The following THAP4 variants were observed in gnomAD, a reference collection of about 807,000 sequenced individuals.
THAP4 encodes peroxynitrite isomerase THAP4.
THAP4 carries 18 observed loss-of-function variants against 48.1 expected under a neutral mutation model. That is an observed-to-expected ratio of 0.37 (90% confidence interval 0.26 to 0.56). THAP4 has a LOEUF of 0.56. Among genes scored for constraint, THAP4 ranks in the 20% least tolerant of loss-of-function variants. THAP4 has a pLI of 0.78. For synonymous variants in THAP4, 345 were observed against 324.9 expected (o/e 1.06, Z -0.66); for missense variants, 656 against 774.9 (o/e 0.85, Z 1.82).
chr2:241,635,783 A>G (rs111908285), intron 1 of THAP4, among the ~76,000 whole-genome samples: 1 of 152,142 alleles, frequency 6.6e-6, no homozygotes, highest in South Asian at 2.1e-4. Flanking sequence ...AAAAGAGAAA[A>G]AAAGAAAAAA....
chr2:241,597,332 C>G (rs2067062540), intron 5 of THAP4, among the ~76,000 whole-genome samples: 1 of 152,146 alleles, frequency 6.6e-6, no homozygotes, highest in Non-Finnish European at 1.5e-5. Context: ...CAGGGTTTCA[C>G]CATGTTGGCC....
At chr2:241,637,333 C>A, upstream of THAP4, 1 of 1,269,016 alleles carries the variant, frequency 7.9e-7, no homozygotes, top group Non-Finnish European at 1.0e-6. Context: ...GTCCGTACCG[C>A]GACATGGGCG....
intron 2 of THAP4, among the ~76,000 whole-genome samples, chr2:241,621,941 CAA>C (rs542392484): frequency 7.1e-6 from 1 of 140,112 alleles, no homozygotes; most frequent in East Asian, 2.1e-4. Flanking sequence ...ACCACGCAAG[CAA>C]AAAAAAAAAC....
At chr2:241,592,686 G>A (rs2067000060) in intron 5 of THAP4, among the ~76,000 whole-genome samples, 3 of 152,322 alleles carry the variant, frequency 2.0e-5, no homozygotes, top group African/African-American at 4.8e-5. Context: ...CATAAGCCTC[G>A]GTCTCTTCGA....
At chr2:241,608,208 G>C (rs1196816559) in intron 2 of THAP4, among the ~76,000 whole-genome samples, 1 of 152,202 alleles carries the variant, frequency 6.6e-6, no homozygotes, top group Non-Finnish European at 1.5e-5. Context: ...CCGCACATGT[G>C]GCCTGGCCCA....
At chr2:241,627,692 A>C (rs1205175523) in intron 2 of THAP4, among the ~76,000 whole-genome samples, 2 of 152,140 alleles carry the variant, frequency 1.3e-5, no homozygotes. Flanking sequence ...ACAAATCCAC[A>C]CGGACAGCAA....
Position 241,612,802 on chromosome 2 carries a change from T to C in THAP4, c.1241-6329A>G, listed in dbSNP as rs767853805. The stretch of plus-strand genomic sequence containing the variant: ...GCTAGAGTCACACGTAGAAGGCGCA[T>C]GAGGAGGGAAGGTGAGTGGCAAGGA... On this transcript the variant is annotated intron_variant, in intron 2 of 5. Transcript: ENST00000407315. The surrounding 1 kb of genome is among the most constrained non-coding windows in gnomAD (Gnocchi z 4.1). Among the ~76,000 whole-genome samples the C allele has an allele frequency of 3.9e-5, 6 of 152,134 alleles. No individual in the cohort carries two copies. The highest frequency in any genetic ancestry group is 1.9e-4 in the East Asian group (1 of 5,174).
chr2:241,595,234 C>T (rs1300807565), intron 5 of THAP4, among the ~76,000 whole-genome samples: 4 of 152,206 alleles, frequency 2.6e-5, no homozygotes, highest in East Asian at 1.9e-4. Context: ...AGGCTGGTCT[C>T]GAATTCCTGA....
chr2:241,623,820 A>G (rs1450355623), intron 2 of THAP4, among the ~76,000 whole-genome samples: 1 of 152,202 alleles, frequency 6.6e-6, no homozygotes, highest in Non-Finnish European at 1.5e-5. Flanking sequence ...ACAGGCCTAT[A>G]TTGAATATAT....
intron 2 of THAP4, among the ~76,000 whole-genome samples, chr2:241,618,937 A>ACTTCAC (rs1409927850): frequency 6.6e-6 from 1 of 152,146 alleles, no homozygotes; most frequent in Non-Finnish European, 1.5e-5. Context: ...AGCGAAGCTG[A>ACTTCAC]CTTCACCAGG....
At chr2:241,617,297 G>T in intron 2 of THAP4, 1 of 776,892 alleles carries the variant, frequency 1.3e-6, no homozygotes, top group Non-Finnish European at 2.1e-6. Flanking sequence ...TTTCTTTTCT[G>T]ATTTCATTTT....
rs1050174477 is a variant in THAP4 at position 241,601,006 on chromosome 2, C to T, written c.1614+890G>A. 5.3e-5 allele frequency among the ~76,000 whole-genome samples: 8 copies of T among 151,868 alleles called. No homozygotes were observed. Among genetic ancestry groups the T allele is most frequent in the African/African-American group, 1.9e-4 (8 of 41,358 alleles). ...AAAAAAAGGACAATCTGGCCGGGCA[C>T]GGTTGTTCATACCTGTAATCCCAGC... On this transcript the variant is annotated intron_variant, in intron 5 of 5. Coordinates refer to ENST00000407315, the MANE Select transcript of THAP4 (RefSeq NM_015963.6). The surrounding 1 kb of genome is among the most constrained non-coding windows in gnomAD (Gnocchi z 4.0).
At chr2:241,636,918 G>C in intron 1 of THAP4, 23 bp downstream of exon 1, 2 of 1,217,960 alleles carry the variant, frequency 1.6e-6, no homozygotes, top group South Asian at 2.9e-5. Flanking sequence ...GGGCGGGGGC[G>C]TGGCGGCCCG....
At chr2:241,624,838 G>T (rs1326575532) in intron 2 of THAP4, among the ~76,000 whole-genome samples, 1 of 152,146 alleles carries the variant, frequency 6.6e-6, no homozygotes, top group Non-Finnish European at 1.5e-5. Flanking sequence ...ACATTCCAAG[G>T]GATTAGGAGC....
Position 241,586,598 on chromosome 2 carries a change from G to A in THAP4, c.1615-1873C>T, listed in dbSNP as rs139004651. On this transcript the variant is annotated intron_variant, in intron 5 of 5. Transcript: ENST00000407315. ...GACACCTCCCCCACCCTCACCCAGG[G>A]GATACCAATACTGGAGTTATTAGAA... 3.2e-3 allele frequency among the ~76,000 whole-genome samples: 492 copies of A among 152,154 alleles called. 2 individuals carry two copies. The highest frequency in any genetic ancestry group is 5.7e-3 in the Non-Finnish European group (385 of 68,012).
intron 2 of THAP4, among the ~76,000 whole-genome samples, chr2:241,608,323 A>C (rs1255958183): frequency 6.6e-6 from 1 of 152,192 alleles, no homozygotes; most frequent in Non-Finnish European, 1.5e-5. Context: ...CTGAAGCAGG[A>C]GAGTGGGAGA....
In THAP4 at chr2:241,595,073, C is replaced by T. The variant is rs562771682; in HGVS notation, c.1614+6823G>A. Among the ~76,000 whole-genome samples, 9 of 152,126 alleles carry T rather than the reference C, an allele frequency of 5.9e-5. No individual in the cohort carries two copies. In the East Asian group the frequency reaches 7.8e-4, roughly 13 times the overall value. ...CGGTCGCCAGGCTGGAGTGCAGTGG[C>T]GCCATCTCAGCTCATTGCAACCTCT... On this transcript the variant is annotated intron_variant, in intron 5 of 5. Transcript: ENST00000407315.
At position 241,633,926 on chromosome 2, in the gene THAP4, C is replaced by A. The variant is rs1294577733; in HGVS notation, c.231G>T (p.Lys77Asn). 2 of 1,614,004 alleles carry A rather than the reference C, an allele frequency of 1.2e-6. No homozygotes were observed. Among genetic ancestry groups the A allele is most frequent in the African/African-American group, 2.7e-5 (2 of 74,922 alleles). ...GGAAGATGGATGGCACGGCCGTGGG[C>A]TTCAGCAGGCGATGCTGGTCCTCCA... is the stretch of plus-strand genomic sequence containing the variant. ...KRLEDQHRLL[K>N]PTAVPSIFHL... The change falls in exon 2 of 6, where the codon AAG becomes AAT. Residue 77 changes from lysine to asparagine, a missense_variant. Coordinates refer to ENST00000407315, the MANE Select transcript of THAP4 (RefSeq NM_015963.6). The surrounding 1 kb of genome is among the most constrained non-coding windows in gnomAD (Gnocchi z 7.5).
chr2:241,615,276 C>A (rs1220984719), intron 2 of THAP4, among the ~76,000 whole-genome samples: 1 of 151,970 alleles, frequency 6.6e-6, no homozygotes, highest in Non-Finnish European at 1.5e-5. Context: ...CTGCACCTGC[C>A]AAAACTCACC....
Sources: allele counts gnomAD v4.1 joint callset (sites outside exome capture counted in the v4.1 genomes callset), GRCh38; gene constraint gnomAD v4.1.1; non-coding constraint Gnocchi (gnomAD v3.1); transcripts MANE v1.5; gene names NCBI Gene and HGNC (gene_info 2026-07-23, HGNC 2026-07-21).